The following CSMD1 variants were observed in gnomAD, a reference collection of about 807,000 sequenced individuals.
CSMD1 encodes CUB and Sushi multiple domains 1, also known as CUB and sushi domain-containing protein 1.
CSMD1 carries 213 observed loss-of-function variants against 417.5 expected under a neutral mutation model. The ratio of observed to expected loss-of-function variants is 0.51; its 90% confidence interval spans 0.46 to 0.57. The LOEUF is 0.57. Among genes scored for constraint, CSMD1 ranks in the 20% least tolerant of loss-of-function variants. The pLI is 0.00. For synonymous variants in CSMD1, 2,862 were observed against 1,736.8 expected (o/e 1.65, Z -16.11); for missense variants, 6,923 against 4,529.7 (o/e 1.53, Z -15.17).
At chr8:4,432,150 G>T (rs1037168037) in intron 2 of CSMD1, among the ~76,000 whole-genome samples, 14 of 152,254 alleles carry the variant, frequency 9.2e-5, no homozygotes, top group African/African-American at 3.4e-4. Context: ...AGCATGCATG[G>T]ATTATAAAAA....
chr8:3,444,964 C>T (rs916024374), intron 12 of CSMD1, among the ~76,000 whole-genome samples: 1 of 152,166 alleles, frequency 6.6e-6, no homozygotes, highest in Admixed American at 6.5e-5. Context: ...CTATGAAGTC[C>T]TCATGTCAGA....
At chr8:3,447,325 A>C (rs1306762811) in intron 12 of CSMD1, among the ~76,000 whole-genome samples, 1 of 140,242 alleles carries the variant, frequency 7.1e-6, no homozygotes, top group Non-Finnish European at 1.5e-5. Context: ...TCAGTTTAGC[A>C]GTGGAGATCA....
At chr8:4,268,140 A>G (rs952581526) in intron 3 of CSMD1, among the ~76,000 whole-genome samples, 9 of 152,170 alleles carry the variant, frequency 5.9e-5, no homozygotes, top group African/African-American at 2.2e-4. Flanking sequence ...ACATATGTCC[A>G]AATCCAAAAT....
At chr8:4,458,219 A>G (rs1226852111) in intron 2 of CSMD1, among the ~76,000 whole-genome samples, 1 of 152,224 alleles carries the variant, frequency 6.6e-6, no homozygotes, top group African/African-American at 2.4e-5. Flanking sequence ...GAAATATGGA[A>G]CTTATAATGA....
chr8:3,541,916 G>A (rs1308950889), intron 10 of CSMD1, among the ~76,000 whole-genome samples: 2 of 152,054 alleles, frequency 1.3e-5, no homozygotes, highest in Non-Finnish European at 2.9e-5. Flanking sequence ...ACAAACATTA[G>A]CTGGGCGTGG....
intron 2 of CSMD1, among the ~76,000 whole-genome samples, chr8:4,423,670 T>C (rs933093229): frequency 1.3e-5 from 2 of 151,750 alleles, no homozygotes; most frequent in Non-Finnish European, 2.9e-5. Context: ...TCCACCAAAA[T>C]CCCAGCAAGA....
At chr8:3,992,419 AC>A in intron 5 of CSMD1, among the ~76,000 whole-genome samples, 1 of 152,296 alleles carries the variant, frequency 6.6e-6, no homozygotes, top group Admixed American at 6.5e-5. Flanking sequence ...TGAAGTTAAA[AC>A]AAAAATAAGT....
At chr8:2,965,607 CTG>C (rs1342750301) in intron 59 of CSMD1, among the ~76,000 whole-genome samples, 166 bp downstream of exon 59, 1 of 152,146 alleles carries the variant, frequency 6.6e-6, no homozygotes, top group East Asian at 1.9e-4. Flanking sequence ...ATCTGTAAAA[CTG>C]AGATTAAAGT....
intron 3 of CSMD1, among the ~76,000 whole-genome samples, chr8:4,374,181 G>A (rs1802571634): frequency 6.6e-6 from 1 of 152,086 alleles, no homozygotes; most frequent in Non-Finnish European, 1.5e-5. Context: ...CCCCCTCTGA[G>A]TTCCAGTCCA....
chr8:4,761,855 CT>C (rs1170348501), intron 1 of CSMD1, among the ~76,000 whole-genome samples: 1 of 74,546 alleles, frequency 1.3e-5, no homozygotes, highest in African/African-American at 4.6e-5. Context: ...ATCTATCTAT[CT>C]ATCTATCTAT....
chr8:3,521,670 G>A (rs923100136), intron 10 of CSMD1, among the ~76,000 whole-genome samples: 2 of 152,140 alleles, frequency 1.3e-5, no homozygotes, highest in Admixed American at 1.3e-4. Context: ...TGTTATAACT[G>A]GAAGTGATGT....
chr8:3,721,593 T>C (rs1415410248), intron 6 of CSMD1, among the ~76,000 whole-genome samples: 1 of 152,362 alleles, frequency 6.6e-6, no homozygotes, highest in African/African-American at 2.4e-5. Context: ...TCAAACTTAT[T>C]TTCTCCTTTC....
Position 4,987,754 on chromosome 8 carries a change from G to A in CSMD1, c.85+6578C>T, listed in dbSNP as rs73659454. ...GGGCAGACCCTCCCTCAATGTGGGT[G>A]GGCACCAGCTCATCAACTGTCATCT... On this transcript the variant is annotated intron_variant, in intron 1 of 69. Transcript: ENST00000635120. 4.1e-4 allele frequency among the ~76,000 whole-genome samples: 62 copies of A among 152,204 alleles called. 1 individual carries two copies. Among genetic ancestry groups the A allele is most frequent in the African/African-American group, 1.5e-3 (61 of 41,518 alleles).
At chr8:4,385,180 G>A (rs376499342) in intron 3 of CSMD1, among the ~76,000 whole-genome samples, 41 of 152,226 alleles carry the variant, frequency 2.7e-4, no homozygotes, top group South Asian at 1.7e-3. Flanking sequence ...TCCCCGTCTC[G>A]GCGTCTTAAA....
intron 5 of CSMD1, among the ~76,000 whole-genome samples, chr8:3,942,965 G>T (rs563093503): frequency 6.6e-6 from 1 of 152,040 alleles, no homozygotes; most frequent in Admixed American, 6.5e-5. Flanking sequence ...TAGATATATT[G>T]TGACAGTTTC....
At chr8:4,353,902 C>G (rs1422297544) in intron 3 of CSMD1, among the ~76,000 whole-genome samples, 1 of 152,172 alleles carries the variant, frequency 6.6e-6, no homozygotes, top group East Asian at 1.9e-4. Flanking sequence ...GCATGTTCAG[C>G]AAGCTGTTTT....
intron 52 of CSMD1, among the ~76,000 whole-genome samples, chr8:3,014,175 C>A (rs17079056): frequency 1.5e-3 from 212 of 145,476 alleles, no homozygotes; most frequent in Non-Finnish European, 2.7e-3. Context: ...ATGCCCTGAT[C>A]GAAGATAGGA....
rs141264013 is a variant in CSMD1 at position 2,979,640 on chromosome 8, C to T, written c.8378-840G>A. 5.1e-3 allele frequency among the ~76,000 whole-genome samples: 776 copies of T among 152,298 alleles called. 10 individuals are homozygous for T. The highest frequency in any genetic ancestry group is 7.2e-3 in the Non-Finnish European group (493 of 68,026). Reference sequence around the variant, plus strand: ...CGGGCGGCCTCTGCACATCATGAGTCCCAGAAGCTGAAGACAAACCCTGTA... The same window carrying T: ...CGGGCGGCCTCTGCACATCATGAGTTCCAGAAGCTGAAGACAAACCCTGTA... On this transcript the variant is annotated intron_variant, in intron 54 of 69. Coordinates refer to ENST00000635120, the MANE Select transcript of CSMD1 (RefSeq NM_033225.6).
At chr8:4,805,335 A>T (rs1798527178) in intron 1 of CSMD1, among the ~76,000 whole-genome samples, 1 of 152,188 alleles carries the variant, frequency 6.6e-6, no homozygotes. Flanking sequence ...ATATCCTCTG[A>T]AAATTGTGAA....
Sources: allele counts gnomAD v4.1 joint callset (sites outside exome capture counted in the v4.1 genomes callset), GRCh38; gene constraint gnomAD v4.1.1; transcripts MANE v1.5; gene names NCBI Gene and HGNC (gene_info 2026-07-23, HGNC 2026-07-21).